DYM: variants seen among roughly 807,000 people sequenced by gnomAD.
The protein encoded by DYM is dyggve-Melchior-Clausen syndrome protein.
A neutral mutation model predicts 93.1 loss-of-function variants in DYM; 78 were observed. The observed-to-expected ratio is 0.84, with a 90% CI of 0.70 to 1.01. The LOEUF is 1.01. Among genes scored for constraint, DYM ranks in the 50% least tolerant of loss-of-function variants. DYM has a pLI of 0.00. For synonymous variants in DYM, 321 were observed against 319.7 expected, an observed-to-expected ratio of 1.00 and a Z score of -0.04; for missense variants, 789 against 845.0, an observed-to-expected ratio of 0.93 and a Z score of 0.82.
At chr18:49,298,902 G>C (rs1486326564) in intron 8 of DYM, among the ~76,000 whole-genome samples, 2 of 152,134 alleles carry the variant, frequency 1.3e-5, no homozygotes, top group African/African-American at 2.4e-5. Flanking sequence ...AGCATAAAAG[G>C]AAACAAAATA....
chr18:49,059,134 C>G (rs866507519), intron 17 of DYM, among the ~76,000 whole-genome samples: 1 of 152,084 alleles, frequency 6.6e-6, no homozygotes, highest in Non-Finnish European at 1.5e-5. Flanking sequence ...TGATTAAATC[C>G]CTCTTGCAAG....
intron 17 of DYM, among the ~76,000 whole-genome samples, chr18:49,083,194 T>C (rs2078210083): frequency 6.6e-6 from 1 of 152,206 alleles, no homozygotes; most frequent in South Asian, 2.1e-4. Flanking sequence ...AAACTGTACT[T>C]ACAAACATAG....
chr18:49,159,694 C>T (rs1189109645), intron 15 of DYM, among the ~76,000 whole-genome samples: 1 of 152,106 alleles, frequency 6.6e-6, no homozygotes, highest in African/African-American at 2.4e-5. Context: ...GCAGCCTGGG[C>T]AATATAGTGA....
chr18:49,166,414 C>T (rs1207126047), intron 14 of DYM, among the ~76,000 whole-genome samples: 1 of 152,020 alleles, frequency 6.6e-6, no homozygotes, highest in African/African-American at 2.4e-5. Context: ...GCAATTGTTT[C>T]CAAATTTTTA....
intron 16 of DYM, among the ~76,000 whole-genome samples, chr18:49,104,109 C>T (rs1434995025): frequency 6.6e-6 from 1 of 152,082 alleles, no homozygotes; most frequent in Admixed American, 6.6e-5. Context: ...TTGTAGTTCT[C>T]CTTGAAGAGA....
chr18:49,426,012 G>C (rs2074248028), intron 2 of DYM, among the ~76,000 whole-genome samples: 1 of 152,092 alleles, frequency 6.6e-6, no homozygotes, highest in African/African-American at 2.4e-5. Flanking sequence ...TCTAGAACTA[G>C]AAATACCATT....
At chr18:49,219,176 G>T (rs1240304243) in intron 13 of DYM, among the ~76,000 whole-genome samples, 3 of 152,086 alleles carry the variant, frequency 2.0e-5, no homozygotes, top group Non-Finnish European at 2.9e-5. Context: ...TAAATTCCTC[G>T]ACACATACAC....
chr18:49,416,349 G>A (rs2072988567), intron 2 of DYM, among the ~76,000 whole-genome samples: 1 of 152,180 alleles, frequency 6.6e-6, no homozygotes, highest in Non-Finnish European at 1.5e-5. Context: ...GGCAAGGTCA[G>A]TTTGGCTCCA....
chr18:49,226,387 T>C (rs991049538), intron 13 of DYM, among the ~76,000 whole-genome samples: 1 of 152,134 alleles, frequency 6.6e-6, no homozygotes, highest in Admixed American at 6.5e-5. Context: ...TTGTCATGGC[T>C]CTCCACTACA....
At chr18:49,429,882 CAAGATAT>C (rs2074647677) in intron 2 of DYM, among the ~76,000 whole-genome samples, 1 of 152,090 alleles carries the variant, frequency 6.6e-6, no homozygotes, top group Non-Finnish European at 1.5e-5. Context: ...GCTACATATA[CAAGATAT>C]ATTTTACTTA....
At chr18:49,189,553 T>C (rs1358503950) in intron 14 of DYM, among the ~76,000 whole-genome samples, 1 of 152,136 alleles carries the variant, frequency 6.6e-6, no homozygotes, top group Non-Finnish European at 1.5e-5. Flanking sequence ...AACAAGCATG[T>C]GGGCAAAAAA....
At chr18:49,369,017 C>T (rs2066759776) in intron 5 of DYM, among the ~76,000 whole-genome samples, 1 of 152,226 alleles carries the variant, frequency 6.6e-6, no homozygotes, top group Non-Finnish European at 1.5e-5. Context: ...ACTGAAAGCG[C>T]GGTGTGCACA....
At position 49,107,078 on chromosome 18, in the gene DYM, C is replaced by T. The variant is rs200887894; in HGVS notation, c.1912-9563G>A. Among the ~76,000 whole-genome samples the T allele has an allele frequency of 2.1e-4, 32 of 152,318 alleles. No individual in the cohort carries two copies. In the East Asian group the frequency reaches 5.2e-3, roughly 25 times the overall value. The stretch of plus-strand genomic sequence containing the variant: ...TAGATTCGGTCTTTTCACATAGTCC[C>T]ATATTTCTTGGAGGCTTTGTTCATT... On this transcript the variant is annotated intron_variant, in intron 16 of 17. Transcript: ENST00000675505.
chr18:49,365,157 C>CA (rs35363196), intron 5 of DYM, among the ~76,000 whole-genome samples: 12,942 of 144,174 alleles, frequency 0.09, 668 homozygotes, highest in East Asian at 0.18. Flanking sequence ...CTTGGAGTCT[C>CA]AAAAAAAAAA....
At chr18:49,441,161 T>A (rs1164114585) in intron 1 of DYM, among the ~76,000 whole-genome samples, 5 of 20,778 alleles carry the variant, frequency 2.4e-4, no homozygotes, top group Non-Finnish European at 3.1e-4. Context: ...TAATATATAT[T>A]ATATATTATA....
chr18:49,151,112 C>T (rs1342652041), intron 15 of DYM, among the ~76,000 whole-genome samples: 1 of 152,154 alleles, frequency 6.6e-6, no homozygotes, highest in Non-Finnish European at 1.5e-5. Context: ...AAATTTCTAT[C>T]TCAGAAACTC....
intron 14 of DYM, among the ~76,000 whole-genome samples, chr18:49,196,044 C>T (rs1217939988): frequency 2.0e-5 from 3 of 150,968 alleles, no homozygotes; most frequent in Non-Finnish European, 4.4e-5. Flanking sequence ...CCTGCCTCAG[C>T]CTCCCGAGTA....
intron 8 of DYM, among the ~76,000 whole-genome samples, chr18:49,290,875 T>C (rs2060065286): frequency 1.3e-5 from 2 of 152,022 alleles, no homozygotes; most frequent in South Asian, 4.1e-4. Flanking sequence ...CAGAGACGTA[T>C]TCAAGCATAA....
At chr18:49,166,647 T>A (rs2087915278) in intron 14 of DYM, among the ~76,000 whole-genome samples, 1 of 151,860 alleles carries the variant, frequency 6.6e-6, no homozygotes, top group Non-Finnish European at 1.5e-5. Flanking sequence ...ATAAGACATG[T>A]TTACATGGAA....
Sources: allele counts gnomAD v4.1 joint callset (sites outside exome capture counted in the v4.1 genomes callset), GRCh38; gene constraint gnomAD v4.1.1; transcripts MANE v1.5; gene names NCBI Gene and HGNC (gene_info 2026-07-23, HGNC 2026-07-21).